Variants in FBXL19 observed in about 807,000 individuals in gnomAD.
The protein encoded by FBXL19 is F-box and leucine rich repeat protein 19.
FBXL19 carries 16 observed loss-of-function variants against 71.2 expected under a neutral mutation model. The observed-to-expected ratio is 0.22, with a 90% CI of 0.15 to 0.34. FBXL19 has a LOEUF of 0.34. Among genes scored for constraint, FBXL19 ranks in the 10% least tolerant of loss-of-function variants. The pLI, the probability that FBXL19 is intolerant of heterozygous loss-of-function variation, is 1.00. For missense variants in FBXL19, 658 were observed against 968.2 expected, an observed-to-expected ratio of 0.68 and a Z score of 4.25; for synonymous variants, 447 against 409.4, an observed-to-expected ratio of 1.09 and a Z score of -1.11.
chr16:30,924,536 C>T (rs1016286113), intron 1 of FBXL19, 77 bp downstream of exon 1: 18 of 1,193,280 alleles, frequency 1.5e-5, no homozygotes, highest in Non-Finnish European at 1.7e-5. Context: ...CGGCCTCTCT[C>T]TACCTTCCCC....
Position 30,947,092 on chromosome 16 carries a change from C to T in FBXL19, c.1887C>T (p.Arg629=), listed in dbSNP as rs1162193720. 1 of 1,597,790 alleles carries T rather than the reference C, an allele frequency of 6.3e-7. No individual in the cohort carries two copies. ...RLTDHCLPLF[R]RCPRLRRLDL... ...CGGACCACTGCCTCCCGCTGTTCCG[C>T]CGCTGCCCTCGTCTACGCCGCCTAG... The change falls in exon 11 of 11, where the codon CGC becomes CGT. Residue 629 remains arginine (R), a synonymous_variant. Coordinates refer to ENST00000338343, the MANE Select transcript of FBXL19 (RefSeq NM_001382779.1).
Position 30,930,318 on chromosome 16 carries a change from G to C in FBXL19, c.1035G>C (p.Glu345Asp). The change falls in exon 7 of 11, where the codon GAG becomes GAC. Residue 345 changes from glutamate (E) to aspartate (D), a missense_variant. Transcript: ENST00000338343. The surrounding 1 kb of genome is among the most constrained non-coding windows in gnomAD (Gnocchi z 8.5). ...CCCGGGGCAGCTCTGGCGAGAAGGA[G>C]AACCGTGGGGGGCGGCGGGCTGTGC... ...RPARGSSGEK[E>D]NRGGRRAVRP... The C allele has an allele frequency of 1.2e-6, 2 of 1,606,604 alleles. No homozygotes were observed. Among genetic ancestry groups the C allele is most frequent in the Non-Finnish European group, 1.7e-6 (2 of 1,176,292 alleles).
At position 30,943,274 on chromosome 16, in the gene FBXL19, T is replaced by C. The variant is rs369696623; in HGVS notation, c.1627+738T>C. ...CAAGATCTCGGCTTACTGCAACTTATGCCTCCTGGGTTCAAGTGATCCTCC... is the reference window on the plus strand; with the variant it reads ...CAAGATCTCGGCTTACTGCAACTTACGCCTCCTGGGTTCAAGTGATCCTCC... On this transcript the variant is annotated intron_variant, in intron 9 of 10. Transcript: ENST00000338343. Among the ~76,000 whole-genome samples the C allele has an allele frequency of 5.0e-4, 76 of 152,032 alleles. No homozygotes were observed. In the South Asian group the frequency reaches 0.015, roughly 31 times the overall value.
intron 7 of FBXL19, among the ~76,000 whole-genome samples, chr16:30,935,076 G>A (rs2055717312): frequency 6.6e-6 from 1 of 152,200 alleles, no homozygotes; most frequent in South Asian, 2.1e-4. Context: ...GAGGCCGTGG[G>A]AGATCAAGGA....
chr16:30,927,284 CT>C (rs1391154146), intron 2 of FBXL19, 23 bp from the exon 3 acceptor site: 1 of 1,535,658 alleles, frequency 6.5e-7, no homozygotes. Context: ...TTCGGGGCCC[CT>C]GATGTCCCCT....
In FBXL19 at chr16:30,946,736, CAGAG is replaced by C. The variant is rs753280953; in HGVS notation, c.1637_1640del (p.Glu546AlafsTer18). 1 of 1,612,490 alleles carries C rather than the reference CAGAG, an allele frequency of 6.2e-7. No individual in the cohort carries two copies. The highest frequency in any genetic ancestry group is 8.5e-7 in the Non-Finnish European group (1 of 1,179,576). On this transcript the variant is annotated frameshift_variant, in exon 10 of 11. Coordinates refer to ENST00000338343, the MANE Select transcript of FBXL19 (RefSeq NM_001382779.1). LOFTEE classifies it high-confidence loss of function. The surrounding 1 kb of genome is among the most constrained non-coding windows in gnomAD (Gnocchi z 6.7). ...CTCTCATCTGGCTGCCCAGGGCAAA[CAGAG>C]AGCCGTGGTCGGCTGCAGGGGGTGG...
chr16:30,936,083 C>T (rs1362680834), intron 7 of FBXL19, among the ~76,000 whole-genome samples: 2 of 152,200 alleles, frequency 1.3e-5, no homozygotes, highest in Non-Finnish European at 2.9e-5. Context: ...TCACAGCAAC[C>T]TCTGAAGGAA....
intron 9 of FBXL19, among the ~76,000 whole-genome samples, chr16:30,943,667 C>T (rs2055826688): frequency 6.6e-6 from 1 of 152,098 alleles, no homozygotes; most frequent in Non-Finnish European, 1.5e-5. Context: ...AGCCACCGCA[C>T]CCGGCCTGTA....
chr16:30,934,977 A>G (rs1161381876), intron 7 of FBXL19, among the ~76,000 whole-genome samples: 1 of 152,202 alleles, frequency 6.6e-6, no homozygotes, highest in African/African-American at 2.4e-5. Flanking sequence ...GCCTAGCCAG[A>G]TAATTGGAGG....
chr16:30,937,761 G>A (rs1168168717), intron 7 of FBXL19, among the ~76,000 whole-genome samples: 1 of 152,134 alleles, frequency 6.6e-6, no homozygotes, highest in Admixed American at 6.5e-5. Flanking sequence ...GGGCAGGTGT[G>A]TGGCCTGGCT....
At chr16:30,945,546 C>T (rs545346863) in intron 9 of FBXL19, among the ~76,000 whole-genome samples, 2 of 151,590 alleles carry the variant, frequency 1.3e-5, no homozygotes, top group African/African-American at 4.9e-5. Flanking sequence ...GCTTTTAATC[C>T]CAACTACTTG....
intron 7 of FBXL19, among the ~76,000 whole-genome samples, chr16:30,933,663 C>G (rs1208699333): frequency 6.6e-6 from 1 of 151,164 alleles, no homozygotes; most frequent in Non-Finnish European, 1.5e-5. Context: ...GTTACCCAGG[C>G]TGGTCTTGAA....
At chr16:30,933,153 A>G (rs373909541) in intron 7 of FBXL19, among the ~76,000 whole-genome samples, 4 of 152,140 alleles carry the variant, frequency 2.6e-5, no homozygotes, top group Admixed American at 6.5e-5. Flanking sequence ...GGCATACGGT[A>G]CCACGCCTGC....
At chr16:30,939,842 G>A (rs926092491) in intron 7 of FBXL19, among the ~76,000 whole-genome samples, 2 of 152,142 alleles carry the variant, frequency 1.3e-5, no homozygotes, top group Non-Finnish European at 2.9e-5. Context: ...ACAAGGAAAA[G>A]CCTTTCAGAG....
At chr16:30,924,855 A>G in intron 1 of FBXL19, 1 of 1,088,682 alleles carries the variant, frequency 9.2e-7, no homozygotes, top group Non-Finnish European at 1.2e-6. Context: ...GGGGAGCCCA[A>G]GGGATTCTAG....
Position 30,938,226 on chromosome 16 carries a change from AC to A in FBXL19, c.1302-3889del, listed in dbSNP as rs975565695. ...TGCCCTCAGCCTTCTCTAAAACGTC[AC>A]ACCAGGGCTGGGCCCAGTGGCTCAC... On this transcript the variant is annotated intron_variant, in intron 7 of 10. Transcript: ENST00000338343. Among the ~76,000 whole-genome samples, 16 of 152,006 alleles carry A rather than the reference AC, an allele frequency of 1.1e-4. 1 individual carries two copies.
chr16:30,925,702 C>T lies in FBXL19; in HGVS notation c.-24-29C>T. 3.4e-6 allele frequency: 5 copies of T among 1,485,876 alleles called. No individual in the cohort carries two copies. Among genetic ancestry groups the T allele is most frequent in the Non-Finnish European group, 4.4e-6 (5 of 1,124,820 alleles). 92.0% of individuals were successfully genotyped at this position (1,485,876 alleles called of 1,614,324 possible). A position where few individuals can be genotyped will look rare whatever the true frequency, so the allele number is the denominator to read the frequency against. ...TCCCAGGCCAGGGCCCCAGTGGGCC[C>T]ATCTGACCCTGCCACCATCCACCTA... On this transcript the variant is annotated intron_variant, in intron 1 of 10. Coordinates refer to ENST00000338343, the MANE Select transcript of FBXL19 (RefSeq NM_001382779.1). The surrounding 1 kb of genome is among the most constrained non-coding windows in gnomAD (Gnocchi z 5.0).
intron 7 of FBXL19, among the ~76,000 whole-genome samples, chr16:30,934,432 C>T (rs1179459873): frequency 4.0e-5 from 6 of 150,574 alleles, no homozygotes; most frequent in Admixed American, 2.0e-4. Flanking sequence ...CCGAGGCAGG[C>T]GAATCACCTG....
chr16:30,947,522 A>AG lies in FBXL19; in HGVS notation c.*298dup, dbSNP rs922520021. The AG allele has an allele frequency of 1.0e-5, 3 of 295,894 alleles. No individual in the cohort carries two copies. The highest frequency in any genetic ancestry group is 1.8e-5 in the Non-Finnish European group (3 of 162,562). The allele number at this position is 295,894 out of a possible 1,614,324, so 18.3% of individuals were successfully genotyped here. ...GGTGCTGAGCCGAAGGGACGGTGGG[A>AG]GGGGGGTTATGGTGCAAGTGTTGGG... On this transcript the variant is annotated 3_prime_UTR_variant, in exon 11 of 11. Transcript: ENST00000338343.
Sources: allele counts gnomAD v4.1 joint callset (sites outside exome capture counted in the v4.1 genomes callset), GRCh38; gene constraint gnomAD v4.1.1; non-coding constraint Gnocchi (gnomAD v3.1); transcripts MANE v1.5; gene names NCBI Gene and HGNC (gene_info 2026-07-23, HGNC 2026-07-21).